Variants in ZNF175 observed in about 807,000 individuals in gnomAD.
ZNF175 encodes zinc finger protein 175.
Under a neutral mutation model 14.0 loss-of-function variants are expected in ZNF175, and 8 were observed. The ratio of observed to expected loss-of-function variants is 0.57; its 90% CI spans 0.34 to 1.03. ZNF175 has a LOEUF of 1.03. Among genes scored for constraint, ZNF175 ranks in the 50% least tolerant of loss-of-function variants. ZNF175 has a pLI of 0.03. For synonymous variants in ZNF175, 255 were observed against 296.8 expected (o/e 0.86, Z 1.45); for missense variants, 764 against 849.5 (o/e 0.90, Z 1.25).
rs1982270034 is a variant in ZNF175, at chr19:51,589,033, T to C, written c.*566T>C. ...TTTGGATTTCAGATACTTACAGATT[T>C]TGGAATATTTGCATTATATTTATTG... On this transcript the variant is annotated 3_prime_UTR_variant, in exon 5 of 5. Transcript: ENST00000262259. 3.8e-6 allele frequency: 1 copy of C among 261,960 alleles called. No individual in the cohort carries two copies. The highest frequency in any genetic ancestry group is 7.1e-6 in the Non-Finnish European group (1 of 141,404). 16.2% of individuals were successfully genotyped at this position (261,960 alleles called of 1,614,324 possible). A position where few individuals can be genotyped will look rare whatever the true frequency, so the allele number is the denominator to read the frequency against.
Position 51,587,836 on chromosome 19 carries a change from C to G in ZNF175, c.1505C>G (p.Pro502Arg). The G allele has an allele frequency of 6.2e-7, 1 of 1,614,090 alleles. No individual in the cohort carries two copies. Among genetic ancestry groups the G allele is most frequent in the Non-Finnish European group, 8.5e-7 (1 of 1,180,010 alleles). ...CATCGAATTCATACAGGGGAGAAAC[C>G]TTATGAATGCAGTGACTGTGGAAAA... ...IHHRIHTGEK[P>R]YECSDCGKTF... The change falls in exon 5 of 5, where the codon CCT becomes CGT. Residue 502 changes from proline to arginine, a missense_variant. Physicochemically the swap from Pro to Arg is moderately radical, Grantham distance 103. Coordinates refer to ENST00000262259, the MANE Select transcript of ZNF175 (RefSeq NM_007147.4).
chr19:51,590,910 TAAA>T lies in ZNF175; in HGVS notation c.*2446_*2448del, dbSNP rs1231412880. 6.6e-6 allele frequency: 1 copy of T among 152,078 alleles called. No individual in the cohort carries two copies. The highest frequency in any genetic ancestry group is 1.5e-5 in the Non-Finnish European group (1 of 68,040). 9.4% of individuals were successfully genotyped at this position (152,078 alleles called of 1,614,324 possible). A position where few individuals can be genotyped will look rare whatever the true frequency, so the allele number is the denominator to read the frequency against. On this transcript the variant is annotated 3_prime_UTR_variant, in exon 5 of 5. Transcript: ENST00000262259. The stretch of plus-strand genomic sequence containing the variant: ...TGGCAGGGCCCTAGGACAAGTGTGT[TAAA>T]AACTTGAGCCCACAGTGTAGACACA...
intron 2 of ZNF175, chr19:51,573,810 A>G (rs1981679592): frequency 3.4e-6 from 1 of 291,896 alleles, no homozygotes; most frequent in African/African-American, 2.2e-5. Flanking sequence ...TGTTCTCATA[A>G]GGTGCGGCAA....
At chr19:51,572,461 G>T (rs770779902) in intron 1 of ZNF175, among the ~76,000 whole-genome samples, 14 of 152,198 alleles carry the variant, frequency 9.2e-5, no homozygotes, top group Admixed American at 4.6e-4. Flanking sequence ...AGTCAGAAGA[G>T]GCTGGTCTGT....
At chr19:51,575,820 G>A (rs560458635) in intron 2 of ZNF175, among the ~76,000 whole-genome samples, 92 of 152,154 alleles carry the variant, frequency 6.0e-4, no homozygotes, top group African/African-American at 2.0e-3. Flanking sequence ...GCTTTTACCC[G>A]CTTCCTCATA....
At position 51,573,321 on chromosome 19, in the gene ZNF175, A is replaced by T; in HGVS notation, c.-9A>T. 6.2e-7 allele frequency: 1 copy of T among 1,612,936 alleles called. No individual in the cohort carries two copies. On this transcript the variant is annotated 5_prime_UTR_variant, in exon 2 of 5. Transcript: ENST00000262259. ...CAAGAGAGACCGAGAGTAGAAGCCC[A>T]GAGTGGAGATGCCTGCTGATGTGAA...
chr19:51,579,422 C>CA (rs35607777), intron 2 of ZNF175, among the ~76,000 whole-genome samples: 54 of 151,332 alleles, frequency 3.6e-4, no homozygotes, highest in Non-Finnish European at 6.8e-4. Context: ...TTCTATCTCC[C>CA]AAAAAAAATT....
intron 4 of ZNF175, among the ~76,000 whole-genome samples, chr19:51,583,913 T>C (rs1038883155): frequency 1.7e-4 from 26 of 152,244 alleles, no homozygotes; most frequent in Non-Finnish European, 7.3e-5. Flanking sequence ...TATCAATGTT[T>C]AGCATGAGGA....
Position 51,581,865 on chromosome 19 carries a change from C to T in ZNF175, c.278C>T (p.Ser93Leu). 2 of 1,613,734 alleles carry T rather than the reference C, an allele frequency of 1.2e-6. No individual in the cohort carries two copies. The highest frequency in any genetic ancestry group is 8.5e-7 in the Non-Finnish European group (1 of 1,179,790). The change falls in exon 4 of 5, where the codon TCA becomes TTA. Residue 93 changes from serine to leucine, a missense_variant. Ser to Leu is a moderately radical substitution (Grantham distance 145). Coordinates refer to ENST00000262259, the MANE Select transcript of ZNF175 (RefSeq NM_007147.4). ...CCGCGTGTGGAGGAGGCTGAAGTCT[C>T]ACATCAGAGGTGTCAAGGTGAGTAA... ...KEPRVEEAEV[S>L]HQRCQEREFG...
rs765680203 is a variant in ZNF175, at chr19:51,587,309, G to C, written c.978G>C (p.Leu326=). ...FMPQLKLSVY[L]TDHTGDIPCI... is the part of the protein sequence containing the mutation. ...CACAACTAAAACTCAGTGTATATCT[G>C]ACAGATCATACAGGTGATATACCCT... The change falls in exon 5 of 5, where the codon CTG becomes CTC. Residue 326 remains leucine, a synonymous_variant. Transcript: ENST00000262259. The C allele has an allele frequency of 6.2e-7, 1 of 1,614,174 alleles. No homozygotes were observed.
At chr19:51,576,244 G>A (rs1438200118) in intron 2 of ZNF175, among the ~76,000 whole-genome samples, 2 of 151,486 alleles carry the variant, frequency 1.3e-5, no homozygotes, top group Non-Finnish European at 2.9e-5. Flanking sequence ...TCTCCTCCTG[G>A]GTTCAAGCCA....
Position 51,588,017 on chromosome 19 carries a change from T to C in ZNF175, c.1686T>C (p.Ser562=). 1 of 1,614,144 alleles carries C rather than the reference T, an allele frequency of 6.2e-7. No homozygotes were observed. Among genetic ancestry groups the C allele is most frequent in the South Asian group, 1.1e-5 (1 of 91,080 alleles). The part of the protein sequence containing the change: ...IHTGEKPYKC[S]ECGKAFTSKS... ...CCGGAGAGAAGCCTTACAAATGCAGTGAATGTGGGAAAGCCTTCACTTCTA... is the reference window on the plus strand; with the variant it reads ...CCGGAGAGAAGCCTTACAAATGCAGCGAATGTGGGAAAGCCTTCACTTCTA... Residue 562 remains serine (S), a synonymous_variant, in exon 5 of 5, where the codon AGT becomes AGC. Transcript: ENST00000262259.
rs1982379752 is a variant in ZNF175, at chr19:51,592,357, T to A, written c.*3890T>A. The A allele has an allele frequency of 1.4e-5, 5 of 367,456 alleles. No individual in the cohort carries two copies. The highest frequency in any genetic ancestry group is 4.3e-5 in the Admixed American group (1 of 23,060). The allele number at this position is 367,456 out of a possible 1,614,324, so 22.8% of individuals were successfully genotyped here. A position where few individuals can be genotyped will look rare whatever the true frequency, so the allele number is the denominator to read the frequency against. ...GGGAATAATAATAGATCTCGCCTTG[T>A]GGCTCCTTTGCAGATTACATGCGTT... is the stretch of plus-strand genomic sequence containing the variant. On this transcript the variant is annotated 3_prime_UTR_variant, in exon 5 of 5. Transcript: ENST00000262259.
rs757468304 is a variant in ZNF175 at position 51,588,318 on chromosome 19, C to G, written c.1987C>G (p.Arg663Gly). Residue 663 changes from arginine (R) to glycine (G), a missense_variant, in exon 5 of 5, where the codon CGA becomes GGA. Coordinates refer to ENST00000262259, the MANE Select transcript of ZNF175 (RefSeq NM_007147.4). ...SKKPQLKVHQ[R>G]IHTGERPYVC... ...GAAACCACAACTCAAGGTGCATCAG[C>G]GAATTCACACGGGAGAAAGACCTTA... is the stretch of plus-strand genomic sequence containing the variant. 6.8e-6 allele frequency: 11 copies of G among 1,614,076 alleles called. No homozygotes were observed. The Middle Eastern group carries it at 8.2e-4, about 121-fold the overall frequency.
intron 2 of ZNF175, among the ~76,000 whole-genome samples, chr19:51,577,789 G>A (rs955937158): frequency 6.7e-6 from 1 of 149,464 alleles, no homozygotes; most frequent in Admixed American, 6.7e-5. Context: ...TCAGCCTCCC[G>A]AGTAGCTGGG....
intron 2 of ZNF175, among the ~76,000 whole-genome samples, chr19:51,577,821 A>G (rs370423881): frequency 1.1e-3 from 173 of 151,622 alleles, no homozygotes; most frequent in Middle Eastern, 3.4e-3. Context: ...CCGCCACCAC[A>G]CCAAGCTAAT....
At chr19:51,581,970 C>T (rs1366624981) in intron 4 of ZNF175, 88 bp downstream of exon 4, 2 of 1,231,172 alleles carry the variant, frequency 1.6e-6, no homozygotes. Flanking sequence ...TCCATTCCCC[C>T]AGTGATGGCC....
Position 51,592,103 on chromosome 19 carries a change from G to A in ZNF175, c.*3636G>A. The A allele has an allele frequency of 6.5e-6, 1 of 154,342 alleles. No homozygotes were observed. The highest frequency in any genetic ancestry group is 1.4e-5 in the Non-Finnish European group (1 of 69,722). 9.6% of individuals were successfully genotyped at this position (154,342 alleles called of 1,614,324 possible). A position where few individuals can be genotyped will look rare whatever the true frequency, so the allele number is the denominator to read the frequency against. ...GAAGAATGTCCTACTGTCATGTGAT[G>A]TGATCAGAAAACATACTGCCCAGAG... On this transcript the variant is annotated 3_prime_UTR_variant, in exon 5 of 5. Coordinates refer to ENST00000262259, the MANE Select transcript of ZNF175 (RefSeq NM_007147.4).
chr19:51,587,999 G>A lies in ZNF175; in HGVS notation c.1668G>A (p.Glu556=). 2 of 1,614,126 alleles carry A rather than the reference G, an allele frequency of 1.2e-6. No individual in the cohort carries two copies. Among genetic ancestry groups the A allele is most frequent in the Non-Finnish European group, 1.7e-6 (2 of 1,180,016 alleles). The change falls in exon 5 of 5, where the codon GAG becomes GAA. Residue 556 remains glutamate, a synonymous_variant. Coordinates refer to ENST00000262259, the MANE Select transcript of ZNF175 (RefSeq NM_007147.4). ...LSMHQRIHTG[E]KPYKCSECGK... Reference sequence around the variant, plus strand: ...TGCATCAGAGAATTCACACCGGAGAGAAGCCTTACAAATGCAGTGAATGTG... The same window carrying A: ...TGCATCAGAGAATTCACACCGGAGAAAAGCCTTACAAATGCAGTGAATGTG...
Sources: allele counts gnomAD v4.1 joint callset (sites outside exome capture counted in the v4.1 genomes callset), GRCh38; gene constraint gnomAD v4.1.1; transcripts MANE v1.5; gene names NCBI Gene and HGNC (gene_info 2026-07-23, HGNC 2026-07-21).